Variants in BORCS5 observed in about 807,000 individuals in gnomAD.
BORCS5 encodes BLOC-1-related complex subunit 5.
BORCS5 carries 17 observed loss-of-function variants against 22.1 expected under a neutral mutation model. The observed-to-expected ratio is 0.77, with a 90% confidence interval of 0.53 to 1.15. The LOEUF (loss-of-function observed/expected upper bound fraction) is 1.15, where lower values mean the gene tolerates loss of function less well. BORCS5 is among the 50% of genes most tolerant of loss of function. The pLI is 0.00. For missense variants in BORCS5, 247 were observed against 253.2 expected (o/e 0.98, Z 0.17); for synonymous variants, 117 against 99.8 (o/e 1.17, Z -1.03).
intron 2 of BORCS5, among the ~76,000 whole-genome samples, chr12:12,382,595 C>T (rs955405388): frequency 8.1e-5 from 12 of 148,234 alleles, no homozygotes; most frequent in South Asian, 4.3e-4. Context: ...TGCAGTGGCG[C>T]GATCTCAGTT....
intron 2 of BORCS5, among the ~76,000 whole-genome samples, chr12:12,415,038 G>C (rs1377470639): frequency 7.0e-6 from 1 of 143,306 alleles, no homozygotes; most frequent in Non-Finnish European, 1.6e-5. Flanking sequence ...GATGGCGGCC[G>C]GGCGGAGACG....
At position 12,467,123 on chromosome 12, in the gene BORCS5, T is replaced by G. The variant is rs1374657147; in HGVS notation, c.*1347T>G. On this transcript the variant is annotated 3_prime_UTR_variant, in exon 4 of 4. Transcript: ENST00000314565. Reference sequence around the variant, plus strand: ...AAAAAAAATTAATTAATTTTACATTTTCAAATTCAAAAGAATAATACAATG... The same window carrying G: ...AAAAAAAATTAATTAATTTTACATTGTCAAATTCAAAAGAATAATACAATG... The G allele has an allele frequency of 6.6e-6, 1 of 152,178 alleles. No individual in the cohort carries two copies. Among genetic ancestry groups the G allele is most frequent in the Non-Finnish European group, 1.5e-5 (1 of 68,040 alleles). 9.4% of individuals were successfully genotyped at this position (152,178 alleles called of 1,614,324 possible).
At chr12:12,444,477 AC>A (rs1459412462) in intron 3 of BORCS5, among the ~76,000 whole-genome samples, 1 of 152,212 alleles carries the variant, frequency 6.6e-6, no homozygotes, top group Non-Finnish European at 1.5e-5. Context: ...GGAGGTTCTT[AC>A]GGGCCAAACC....
intron 3 of BORCS5, among the ~76,000 whole-genome samples, chr12:12,457,560 G>A (rs1001957798): frequency 2.0e-5 from 3 of 152,032 alleles, no homozygotes; most frequent in South Asian, 2.1e-4. Flanking sequence ...TCCCAGCTAC[G>A]CGGGAGGCTG....
intron 1 of BORCS5, among the ~76,000 whole-genome samples, chr12:12,358,430 C>G (rs1334809794): frequency 6.6e-6 from 1 of 152,184 alleles, no homozygotes; most frequent in African/African-American, 2.4e-5. Context: ...ATTGGGGCAG[C>G]TTTGAATGGT....
chr12:12,439,224 T>TG (rs1309724083), intron 3 of BORCS5, among the ~76,000 whole-genome samples: 1 of 152,150 alleles, frequency 6.6e-6, no homozygotes, highest in African/African-American at 2.4e-5. Context: ...CTTTGAAGGG[T>TG]GATAGGGTTA....
intron 2 of BORCS5, among the ~76,000 whole-genome samples, chr12:12,422,224 T>G (rs1942147406): frequency 6.6e-6 from 1 of 152,230 alleles, no homozygotes; most frequent in East Asian, 1.9e-4. Flanking sequence ...AGGATTATAT[T>G]TAAGATCCTA....
chr12:12,379,929 A>G (rs1863740158), intron 2 of BORCS5, among the ~76,000 whole-genome samples: 1 of 151,298 alleles, frequency 6.6e-6, no homozygotes, highest in Non-Finnish European at 1.5e-5. Flanking sequence ...TTTTGATTTA[A>G]AGTGAGAGAT....
intron 3 of BORCS5, among the ~76,000 whole-genome samples, chr12:12,459,148 G>C (rs970698667): frequency 4.6e-5 from 7 of 151,412 alleles, no homozygotes; most frequent in Non-Finnish European, 8.8e-5. Flanking sequence ...CACCTGCCTT[G>C]GCCTCCCAAA....
At chr12:12,362,290 C>T (rs917967002) in intron 2 of BORCS5, among the ~76,000 whole-genome samples, 1 of 152,136 alleles carries the variant, frequency 6.6e-6, no homozygotes, top group Non-Finnish European at 1.5e-5. Context: ...GATGTCAAAT[C>T]CTATATTACA....
At position 12,357,242 on chromosome 12, in the gene BORCS5, C is replaced by A. The variant is rs551335423; in HGVS notation, c.-210C>A. 2 of 1,471,066 alleles carry A rather than the reference C, an allele frequency of 1.4e-6. No individual in the cohort carries two copies. The highest frequency in any genetic ancestry group is 5.0e-5 in the East Asian group (2 of 40,254). The allele number at this position is 1,471,066 out of a possible 1,614,324, so 91.1% of individuals were successfully genotyped here. A position where few individuals can be genotyped will look rare whatever the true frequency, so the allele number is the denominator to read the frequency against. On this transcript the variant is annotated 5_prime_UTR_variant, in exon 1 of 4. Coordinates refer to ENST00000314565, the MANE Select transcript of BORCS5 (RefSeq NM_058169.6). ...CGTGCGTTCGCGCCGCGCCTCCTTG[C>A]GTTTCTGTTCCCCAAATAGGGCCTC...
At chr12:12,405,444 C>A (rs770431920) in intron 2 of BORCS5, among the ~76,000 whole-genome samples, 6 of 152,146 alleles carry the variant, frequency 3.9e-5, no homozygotes, top group Non-Finnish European at 8.8e-5. Context: ...TAATTGATAA[C>A]ATTATTCTTT....
At chr12:12,410,270 C>T (rs1270568248) in intron 2 of BORCS5, among the ~76,000 whole-genome samples, 1 of 152,252 alleles carries the variant, frequency 6.6e-6, no homozygotes. Flanking sequence ...GTTGCCATTG[C>T]TTTTGGTGTT....
chr12:12,414,772 A>G (rs1941882969), intron 2 of BORCS5, among the ~76,000 whole-genome samples: 1 of 131,498 alleles, frequency 7.6e-6, no homozygotes, highest in African/African-American at 3.0e-5. Context: ...TGCCGGACGG[A>G]GGGGCTCCTC....
At chr12:12,398,937 A>G (rs375476684) in intron 2 of BORCS5, among the ~76,000 whole-genome samples, 4 of 152,148 alleles carry the variant, frequency 2.6e-5, no homozygotes, top group African/African-American at 9.7e-5. Context: ...TTGGGGTGCT[A>G]CTGGCATCTT....
At chr12:12,376,536 T>C (rs1863658625) in intron 2 of BORCS5, among the ~76,000 whole-genome samples, 1 of 152,158 alleles carries the variant, frequency 6.6e-6, no homozygotes, top group Admixed American at 6.5e-5. Context: ...CCTGGCCTGC[T>C]CTTCAATCTT....
chr12:12,452,631 A>G (rs997194942), intron 3 of BORCS5: 2 of 323,062 alleles, frequency 6.2e-6, no homozygotes, highest in Non-Finnish European at 6.1e-6. Context: ...GCCATTGCAA[A>G]CTACTGTCTT....
intron 2 of BORCS5, among the ~76,000 whole-genome samples, chr12:12,374,449 A>C (rs910312584): frequency 6.6e-6 from 1 of 151,034 alleles, no homozygotes; most frequent in Admixed American, 6.6e-5. Context: ...CCTGAACAAC[A>C]TGGTGAGACC....
At chr12:12,443,484 A>G (rs1942723518) in intron 3 of BORCS5, among the ~76,000 whole-genome samples, 2 of 152,190 alleles carry the variant, frequency 1.3e-5, no homozygotes, top group Non-Finnish European at 2.9e-5. Flanking sequence ...CAGGAAATCC[A>G]GGTGGGGGAG....
Sources: allele counts gnomAD v4.1 joint callset (sites outside exome capture counted in the v4.1 genomes callset), GRCh38; gene constraint gnomAD v4.1.1; transcripts MANE v1.5; gene names NCBI Gene and HGNC (gene_info 2026-07-23, HGNC 2026-07-21).